The following DLG2 variants were observed in gnomAD, a reference collection of about 807,000 sequenced individuals.
The protein encoded by DLG2 is discs large MAGUK scaffold protein 2.
A neutral mutation model predicts 132.5 loss-of-function variants in DLG2; 45 were observed. The ratio of observed to expected loss-of-function variants is 0.34; its 90% CI spans 0.27 to 0.44. DLG2 has a LOEUF of 0.44. Among genes scored for constraint, DLG2 ranks in the 20% least tolerant of loss-of-function variants. DLG2 has a pLI of 1.00. For missense variants in DLG2, 1,045 were observed against 1,196.9 expected, an observed-to-expected ratio of 0.87 and a Z score of 1.87; for synonymous variants, 424 against 419.6, an observed-to-expected ratio of 1.01 and a Z score of -0.13.
chr11:83,550,262 A>G (rs2096356535), intron 19 of DLG2, among the ~76,000 whole-genome samples: 1 of 152,182 alleles, frequency 6.6e-6, no homozygotes, highest in East Asian at 1.9e-4. Flanking sequence ...TATAGCTTTT[A>G]GAGTATAATC....
intron 18 of DLG2, among the ~76,000 whole-genome samples, chr11:83,752,747 A>G (rs1034214333): frequency 1.3e-5 from 2 of 152,220 alleles, no homozygotes; most frequent in African/African-American, 4.8e-5. Context: ...GAAAATGTTG[A>G]TAATGCCAAA....
At chr11:83,818,620 T>C (rs571657093) in intron 17 of DLG2, among the ~76,000 whole-genome samples, 3 of 152,274 alleles carry the variant, frequency 2.0e-5, no homozygotes, top group African/African-American at 7.2e-5. Flanking sequence ...GATACATGAA[T>C]AAACAGAGGA....
chr11:85,008,949 T>C (rs561098759), intron 6 of DLG2, among the ~76,000 whole-genome samples: 1 of 152,172 alleles, frequency 6.6e-6, no homozygotes, highest in African/African-American at 2.4e-5. Flanking sequence ...GAGATTTGAG[T>C]TTGAATCACA....
At chr11:85,007,132 G>A (rs771420381) in intron 6 of DLG2, among the ~76,000 whole-genome samples, 7 of 151,964 alleles carry the variant, frequency 4.6e-5, no homozygotes, top group Non-Finnish European at 1.0e-4. Flanking sequence ...AGTTTTTAGG[G>A]CCAGATTTTC....
At chr11:84,764,273 C>A (rs1472006321) in intron 6 of DLG2, among the ~76,000 whole-genome samples, 1 of 152,086 alleles carries the variant, frequency 6.6e-6, no homozygotes, top group Non-Finnish European at 1.5e-5. Context: ...TCTAATTTTC[C>A]CCTATAGTTA....
chr11:85,512,209 T>C (rs1318583263), intron 3 of DLG2, among the ~76,000 whole-genome samples: 2 of 151,952 alleles, frequency 1.3e-5, no homozygotes, highest in East Asian at 1.9e-4. Flanking sequence ...ATTCAAAAAA[T>C]AGCAATAACA....
chr11:83,484,219 C>T lies in DLG2; in HGVS notation c.2203G>A (p.Asp735Asn). The change falls in exon 22 of 28, where the codon GAC (aspartate) becomes AAC (asparagine). Residue 735 changes from aspartate to asparagine, a missense_variant. Physicochemically the swap from Asp to Asn is conservative, Grantham distance 23 (BLOSUM62 1). Transcript: ENST00000376104. The stretch of plus-strand genomic sequence containing the variant: ...AAGATGAAGCTCTTTTTACGCTTGT[C>T]ATTGAATGACTGTGAAGGAGAAAAG... ...GVIDSKGSFN[D>N]KRKKSFIFSR... 6.2e-7 allele frequency: 1 copy of T among 1,612,804 alleles called. No homozygotes were observed. Among genetic ancestry groups the T allele is most frequent in the Non-Finnish European group, 8.5e-7 (1 of 1,179,240 alleles).
chr11:85,157,900 C>G (rs2077708430), intron 4 of DLG2, among the ~76,000 whole-genome samples: 1 of 152,122 alleles, frequency 6.6e-6, no homozygotes, highest in African/African-American at 2.4e-5. Context: ...GTAGTGGCAA[C>G]ATCCCCTCCC....
At chr11:84,368,042 A>G (rs915456655) in intron 7 of DLG2, among the ~76,000 whole-genome samples, 4 of 152,094 alleles carry the variant, frequency 2.6e-5, no homozygotes, top group African/African-American at 9.7e-5. Flanking sequence ...CTGACAGGTA[A>G]TTTACTTTCT....
chr11:85,392,960 A>T (rs2086934293), intron 3 of DLG2, among the ~76,000 whole-genome samples: 1 of 152,170 alleles, frequency 6.6e-6, no homozygotes, highest in African/African-American at 2.4e-5. Flanking sequence ...TACAACAAAA[A>T]CAAAGATAAG....
chr11:85,083,292 G>A (rs1226749424), intron 6 of DLG2, among the ~76,000 whole-genome samples: 2 of 152,058 alleles, frequency 1.3e-5, no homozygotes, highest in Non-Finnish European at 2.9e-5. Flanking sequence ...CTGTCCTATT[G>A]GTTTGAGCAA....
intron 3 of DLG2, among the ~76,000 whole-genome samples, chr11:85,550,541 G>C (rs1182090981): frequency 6.6e-6 from 1 of 152,242 alleles, no homozygotes; most frequent in East Asian, 1.9e-4. Flanking sequence ...TGAAGTGCCT[G>C]GTGGATTCAA....
intron 19 of DLG2, among the ~76,000 whole-genome samples, chr11:83,622,407 C>G (rs891286285): frequency 1.4e-4 from 21 of 152,194 alleles, no homozygotes; most frequent in Admixed American, 2.6e-4. Flanking sequence ...ACAAGAGAGG[C>G]AGGGACCTGG....
chr11:85,036,654 T>C (rs1185226685), intron 6 of DLG2, among the ~76,000 whole-genome samples: 2 of 152,246 alleles, frequency 1.3e-5, no homozygotes, highest in South Asian at 2.1e-4. Flanking sequence ...TTATTATTCA[T>C]TCATTCATTT....
intron 8 of DLG2, among the ~76,000 whole-genome samples, chr11:84,173,631 G>A (rs974043436): frequency 6.6e-6 from 1 of 152,172 alleles, no homozygotes; most frequent in African/African-American, 2.4e-5. Context: ...TAATATGACT[G>A]TAGCATGAGG....
In DLG2 at chr11:83,548,760, A is replaced by T. The variant is rs1313306038; in HGVS notation, c.1941-6902T>A. 7.2e-5 allele frequency among the ~76,000 whole-genome samples: 11 copies of T among 152,130 alleles called. 1 individual carries two copies. The South Asian group carries it at 2.3e-3, about 31-fold the overall frequency. ...ACAAAAACCTTATGTGATAAATATA[A>T]TTTTCCGTATTTTAAGATAAAGAAG... On this transcript the variant is annotated intron_variant, in intron 19 of 27. Coordinates refer to ENST00000376104, the MANE Select transcript of DLG2 (RefSeq NM_001142699.3).
At chr11:84,211,247 C>T (rs2096750541) in intron 8 of DLG2, among the ~76,000 whole-genome samples, 1 of 152,160 alleles carries the variant, frequency 6.6e-6, no homozygotes, top group Admixed American at 6.5e-5. Context: ...GTATTCCTCT[C>T]TTATGGCATT....
chr11:85,391,812 C>A lies in DLG2; in HGVS notation c.41-106447G>T, dbSNP rs529535234. On this transcript the variant is annotated intron_variant, in intron 3 of 27. Coordinates refer to ENST00000376104, the MANE Select transcript of DLG2 (RefSeq NM_001142699.3). ...TTAAGGTAATAAAAGCCATCTATGA[C>A]AAACCCACAGTGAATAATATACTGA... 3.9e-5 allele frequency among the ~76,000 whole-genome samples: 6 copies of A among 152,244 alleles called. No homozygotes were observed. The South Asian group carries it at 1.2e-3, about 32-fold the overall frequency.
Position 84,558,884 on chromosome 11 carries a change from A to C in DLG2, c.358-24153T>G, listed in dbSNP as rs185158416. Among the ~76,000 whole-genome samples the C allele has an allele frequency of 5.3e-4, 80 of 152,248 alleles. 1 individual carries two copies. The South Asian group carries it at 6.2e-3, about 12-fold the overall frequency. ...CAGCTTCAAGAGTACTCTTCCAAAG[A>C]CTTCAGGGTCTCCTCCAGCAGTTAG... On this transcript the variant is annotated intron_variant, in intron 6 of 27. Coordinates refer to ENST00000376104, the MANE Select transcript of DLG2 (RefSeq NM_001142699.3).
Sources: allele counts gnomAD v4.1 joint callset (sites outside exome capture counted in the v4.1 genomes callset), GRCh38; gene constraint gnomAD v4.1.1; transcripts MANE v1.5; gene names NCBI Gene and HGNC (gene_info 2026-07-23, HGNC 2026-07-21).